OSBPL6: variants seen among roughly 807,000 people sequenced by gnomAD.
OSBPL6 encodes the protein oxysterol-binding protein-related protein 6.
In OSBPL6, 49 loss-of-function variants were observed where a neutral mutation model predicts 125.8. That is an observed-to-expected ratio of 0.39 (90% CI 0.31 to 0.49). The LOEUF (loss-of-function observed/expected upper bound fraction) is 0.49. OSBPL6 is among the 20% of genes least tolerant of loss of function. The pLI, the probability that OSBPL6 is intolerant of heterozygous loss-of-function variation, is 0.88. For synonymous variants in OSBPL6, 394 were observed against 391.8 expected, an observed-to-expected ratio of 1.01 and a Z score of -0.07; for missense variants, 986 against 1,135.4, an observed-to-expected ratio of 0.87 and a Z score of 1.89.
At chr2:178,375,266 A>G (rs1280557336) in intron 15 of OSBPL6, among the ~76,000 whole-genome samples, 1 of 152,146 alleles carries the variant, frequency 6.6e-6, no homozygotes, top group Non-Finnish European at 1.5e-5. Context: ...ATACTCTGGC[A>G]CAAGGACTTG....
chr2:178,277,708 G>C (rs1394863577), intron 1 of OSBPL6, among the ~76,000 whole-genome samples: 1 of 152,152 alleles, frequency 6.6e-6, no homozygotes, highest in Non-Finnish European at 1.5e-5. Flanking sequence ...ATTTTGCTAA[G>C]GCAAGAAACA....
Position 178,392,404 on chromosome 2 carries a change from C to G in OSBPL6, c.2447-8C>G, listed in dbSNP as rs1265815211. On this transcript the variant is annotated splice_region_variant and splice_polypyrimidine_tract_variant and intron_variant, in intron 22 of 24. Coordinates refer to ENST00000190611, the MANE Select transcript of OSBPL6 (RefSeq NM_032523.4). ...GCCTCTCACAGTGGTTCATTGGCCT[C>G]TTTCCAGGTTCCATGCCAACAAACT... The G allele has an allele frequency of 1.2e-5, 20 of 1,613,730 alleles. No homozygotes were observed. Among genetic ancestry groups the G allele is most frequent in the Non-Finnish European group, 1.5e-5 (18 of 1,179,792 alleles).
In OSBPL6 at chr2:178,395,665, C is replaced by T; in HGVS notation, c.*106C>T. 1.3e-6 allele frequency: 1 copy of T among 793,956 alleles called. No homozygotes were observed. The highest frequency in any genetic ancestry group is 2.0e-6 in the Non-Finnish European group (1 of 497,474). 49.2% of individuals were successfully genotyped at this position (793,956 alleles called of 1,614,324 possible). On this transcript the variant is annotated 3_prime_UTR_variant, in exon 25 of 25. Transcript: ENST00000190611. ...TGTGGTTTCTGGGTCAACTGAAAAC[C>T]TACCATTTGCTTTTCTATTCATCTT...
At position 178,346,709 on chromosome 2, in the gene OSBPL6, A is replaced by G. The variant is rs542591188; in HGVS notation, c.988-2515A>G. Reference sequence around the variant, plus strand: ...AACCAGTTACCACTTAGATTTTTGAATCCTATAATACCCAAATTGATGAAT... The same window carrying G: ...AACCAGTTACCACTTAGATTTTTGAGTCCTATAATACCCAAATTGATGAAT... On this transcript the variant is annotated intron_variant, in intron 11 of 24. Transcript: ENST00000190611. Among the ~76,000 whole-genome samples, 4 of 152,302 alleles carry G rather than the reference A, an allele frequency of 2.6e-5. No homozygotes were observed. In the East Asian group the frequency reaches 7.7e-4, roughly 29 times the overall value.
At chr2:178,352,189 T>A (rs1252948347) in intron 12 of OSBPL6, among the ~76,000 whole-genome samples, 2 of 152,164 alleles carry the variant, frequency 1.3e-5, no homozygotes, top group African/African-American at 4.8e-5. Flanking sequence ...GATGGGTGAT[T>A]TCTGCATTTC....
chr2:178,286,841 C>T (rs1332681589), intron 2 of OSBPL6, among the ~76,000 whole-genome samples: 1 of 152,182 alleles, frequency 6.6e-6, no homozygotes, highest in Non-Finnish European at 1.5e-5. Context: ...TCTATATGTG[C>T]AGAGCTTTTA....
intron 1 of OSBPL6, among the ~76,000 whole-genome samples, chr2:178,199,996 A>C (rs1183973099): frequency 6.6e-6 from 1 of 152,194 alleles, no homozygotes; most frequent in Non-Finnish European, 1.5e-5. Flanking sequence ...ATTTTAAAAA[A>C]GTTCTTCGAG....
At chr2:178,259,588 G>A (rs1437410288) in intron 1 of OSBPL6, among the ~76,000 whole-genome samples, 2 of 151,894 alleles carry the variant, frequency 1.3e-5, no homozygotes, top group African/African-American at 4.8e-5. Flanking sequence ...CTCTATTTTA[G>A]GTTGGAGGAA....
At chr2:178,298,140 T>C (rs1685927916) in intron 2 of OSBPL6, among the ~76,000 whole-genome samples, 1 of 152,260 alleles carries the variant, frequency 6.6e-6, no homozygotes, top group African/African-American at 2.4e-5. Context: ...TTTGTTCTTT[T>C]GTGCCTAGCT....
chr2:178,259,858 A>G (rs2092001824), intron 1 of OSBPL6, among the ~76,000 whole-genome samples: 1 of 152,158 alleles, frequency 6.6e-6, no homozygotes, highest in African/African-American at 2.4e-5. Flanking sequence ...AAATGGTAAA[A>G]TTAACTTTGG....
chr2:178,264,607 T>G (rs1445881115), intron 1 of OSBPL6, among the ~76,000 whole-genome samples: 1 of 152,220 alleles, frequency 6.6e-6, no homozygotes, highest in African/African-American at 2.4e-5. Flanking sequence ...GGTTTTAATG[T>G]ATTCAGTCTG....
intron 3 of OSBPL6, among the ~76,000 whole-genome samples, chr2:178,322,645 T>C (rs1688340328): frequency 6.6e-6 from 1 of 151,988 alleles, no homozygotes; most frequent in South Asian, 2.1e-4. Flanking sequence ...TTTATTTGAA[T>C]GAAGTTTTTT....
chr2:178,311,087 C>T (rs1240743544), intron 3 of OSBPL6, among the ~76,000 whole-genome samples: 2 of 152,184 alleles, frequency 1.3e-5, no homozygotes, highest in Non-Finnish European at 2.9e-5. Flanking sequence ...CCATCTCTGT[C>T]CAAATAATAT....
chr2:178,294,640 A>C (rs527340771), intron 2 of OSBPL6, among the ~76,000 whole-genome samples: 53 of 152,112 alleles, frequency 3.5e-4, no homozygotes, highest in African/African-American at 1.1e-3. Context: ...TCCTCAATTT[A>C]TGATGAGATT....
In OSBPL6 at chr2:178,301,191, A is replaced by G. The variant is rs975211279; in HGVS notation, c.-155-4839A>G. ...TGCAAGCAGAAAGGGAAGAGATGAT[A>G]TCAGATAAAGCAAAACAAAAAGTGT... On this transcript the variant is annotated intron_variant, in intron 2 of 24. Coordinates refer to ENST00000190611, the MANE Select transcript of OSBPL6 (RefSeq NM_032523.4). 9.2e-5 allele frequency among the ~76,000 whole-genome samples: 14 copies of G among 152,148 alleles called. No homozygotes were observed. In the South Asian group the frequency reaches 2.7e-3, roughly 29 times the overall value.
chr2:178,246,575 G>A (rs1227548094), intron 1 of OSBPL6, among the ~76,000 whole-genome samples: 6 of 152,190 alleles, frequency 3.9e-5, no homozygotes, highest in East Asian at 1.9e-4. Flanking sequence ...CTGAGGTTAC[G>A]GTCTAGCTAT....
Position 178,339,767 on chromosome 2 carries a change from A to G in OSBPL6, c.987+3A>G. ...AAGATACAAAAATACAACTGCAGGT[A>G]CAGATTTTACTTTTCCTTCATTCAC... On this transcript the variant is annotated splice_donor_region_variant and intron_variant, in intron 11 of 24. Transcript: ENST00000190611. The G allele has an allele frequency of 6.3e-7, 1 of 1,592,218 alleles. No individual in the cohort carries two copies. The highest frequency in any genetic ancestry group is 8.5e-7 in the Non-Finnish European group (1 of 1,169,764).
At chr2:178,373,248 T>A (rs1256317225) in intron 14 of OSBPL6, among the ~76,000 whole-genome samples, 1 of 152,176 alleles carries the variant, frequency 6.6e-6, no homozygotes, top group Non-Finnish European at 1.5e-5. Flanking sequence ...AAATTTGTCA[T>A]TCAAAAATAA....
intron 8 of OSBPL6, among the ~76,000 whole-genome samples, chr2:178,333,755 A>G (rs564790763): frequency 4.6e-5 from 7 of 152,224 alleles, no homozygotes; most frequent in Non-Finnish European, 8.8e-5. Flanking sequence ...TATAATATAT[A>G]CATGAGAGGC....
Sources: gnomAD v4.1 joint callset for allele counts (sites outside exome capture counted in the v4.1 genomes callset) on GRCh38, gnomAD v4.1.1 for gene constraint, MANE v1.5 for transcripts, NCBI Gene and HGNC (gene_info 2026-07-23, HGNC 2026-07-21) for gene names.